The following EFCAB11 variants were observed in gnomAD, a reference collection of about 807,000 sequenced individuals.
EFCAB11 encodes the protein EF-hand calcium binding domain 11.
Under a neutral mutation model 23.0 loss-of-function variants are expected in EFCAB11, and 14 were observed. The observed-to-expected ratio is 0.61, with a 90% CI of 0.40 to 0.95. The LOEUF is 0.95. Among genes scored for constraint, EFCAB11 ranks in the 40% least tolerant of loss-of-function variants. The pLI is 0.00. For synonymous variants in EFCAB11, 65 were observed against 66.6 expected, an observed-to-expected ratio of 0.98 and a Z score of 0.11; for missense variants, 198 against 195.8, an observed-to-expected ratio of 1.01 and a Z score of -0.07.
At chr14:89,912,139 T>A (rs1889699972) in intron 5 of EFCAB11, among the ~76,000 whole-genome samples, 1 of 152,210 alleles carries the variant, frequency 6.6e-6, no homozygotes. Flanking sequence ...ATTTATTCAT[T>A]GTTGGTATGC....
intron 5 of EFCAB11, 44 bp downstream of exon 5, chr14:89,931,497 T>C (rs1890387687): frequency 1.3e-6 from 2 of 1,504,224 alleles, no homozygotes; most frequent in Non-Finnish European, 1.8e-6. Context: ...TAAAAGCAAA[T>C]GGTAAATCAA....
chr14:89,923,064 T>G (rs1890070630), intron 5 of EFCAB11, among the ~76,000 whole-genome samples: 1 of 152,186 alleles, frequency 6.6e-6, no homozygotes, highest in African/African-American at 2.4e-5. Context: ...CTTCATAAGT[T>G]AGCTTAAATG....
At chr14:89,828,344 CAAT>C (rs1199558763) in intron 5 of EFCAB11, among the ~76,000 whole-genome samples, 2 of 152,094 alleles carry the variant, frequency 1.3e-5, no homozygotes, top group Non-Finnish European at 2.9e-5. Flanking sequence ...CTGATTAGAG[CAAT>C]AATATTTGTT....
chr14:89,826,168 A>C (rs1039038642), intron 5 of EFCAB11, among the ~76,000 whole-genome samples: 8 of 152,180 alleles, frequency 5.3e-5, no homozygotes, highest in Non-Finnish European at 7.3e-5. Context: ...TGACCCTGTT[A>C]TAATTATGAA....
At chr14:89,929,548 G>T (rs1425740274) in intron 5 of EFCAB11, among the ~76,000 whole-genome samples, 1 of 152,048 alleles carries the variant, frequency 6.6e-6, no homozygotes, top group African/African-American at 2.4e-5. Context: ...ACCATGCCCA[G>T]CTAATTTTTG....
rs144958103 is a variant in EFCAB11, at chr14:89,932,616, C to T, written c.229G>A (p.Glu77Lys). ...TTCCTGACAATATTTAAAAACCCCTCGAGTAATATACCTAAAAGTTGGGGA... is the reference window on the plus strand; with the variant it reads ...TTCCTGACAATATTTAAAAACCCCTTGAGTAATATACCTAAAAGTTGGGGA... ...INPNTSGILLEGFLNIVRKKK... is the reference protein window; with the variant it reads ...INPNTSGILLKGFLNIVRKKK... The change falls in exon 4 of 6, where the codon GAG becomes AAG. Residue 77 changes from glutamate (E) to lysine (K), a missense_variant. Physicochemically the swap from Glu to Lys is moderately conservative, Grantham distance 56. Transcript: ENST00000316738. The T allele has an allele frequency of 9.4e-5, 151 of 1,613,094 alleles. No individual in the cohort carries two copies. The African/African-American group carries it at 1.8e-3, about 19-fold the overall frequency.
intron 5 of EFCAB11, among the ~76,000 whole-genome samples, chr14:89,886,533 AAAAAAAAAAAAG>A (rs1453454055): frequency 2.8e-5 from 4 of 144,702 alleles, no homozygotes; most frequent in South Asian, 4.4e-4. Flanking sequence ...AAAAAAAAAA[AAAAAAAAAAAAG>A]GAAAGTGATC....
At chr14:89,909,588 A>T (rs923885931) in intron 5 of EFCAB11, among the ~76,000 whole-genome samples, 1 of 152,048 alleles carries the variant, frequency 6.6e-6, no homozygotes, top group Non-Finnish European at 1.5e-5. Context: ...CTCAAAAAAC[A>T]AAACAAAACA....
chr14:89,824,751 G>C (rs1886634550), intron 5 of EFCAB11, among the ~76,000 whole-genome samples: 1 of 152,026 alleles, frequency 6.6e-6, no homozygotes, highest in South Asian at 2.1e-4. Flanking sequence ...AAAAATACTG[G>C]TGGAGATAAT....
chr14:89,909,720 C>A (rs1889610140), intron 5 of EFCAB11, among the ~76,000 whole-genome samples: 1 of 152,220 alleles, frequency 6.6e-6, no homozygotes, highest in South Asian at 2.1e-4. Context: ...TCTCATCACT[C>A]TGCATTCATC....
chr14:89,830,853 A>G lies in EFCAB11; in HGVS notation c.411-33529T>C, dbSNP rs190771248. The G allele has an allele frequency of 1.1e-4, 17 of 152,376 alleles. No homozygotes were observed. In the East Asian group the frequency reaches 3.3e-3, roughly 29 times the overall value. The allele number at this position is 152,376 out of a possible 1,614,324, so 9.4% of individuals were successfully genotyped here. A position where few individuals can be genotyped will look rare whatever the true frequency, so the allele number is the denominator to read the frequency against. On this transcript the variant is annotated intron_variant, in intron 5 of 5. Coordinates refer to ENST00000316738, the MANE Select transcript of EFCAB11 (RefSeq NM_145231.4). ...TGGCTATGGTTGTAAACAAACCTTT[A>G]AAAATCATTTTAAAAGCAACATAGT...
At chr14:89,830,207 A>G (rs1197670292) in intron 5 of EFCAB11, 3 of 152,200 alleles carry the variant, frequency 2.0e-5, no homozygotes, top group Admixed American at 6.5e-5. Context: ...CCCATTTGTC[A>G]CATTAAAAAC....
intron 5 of EFCAB11, among the ~76,000 whole-genome samples, chr14:89,837,610 T>C (rs770317547): frequency 2.6e-5 from 4 of 152,206 alleles, no homozygotes; most frequent in Non-Finnish European, 5.9e-5. Context: ...CTGAATAACA[T>C]TGTTTTCTGC....
intron 4 of EFCAB11, among the ~76,000 whole-genome samples, 175 bp from the exon 5 acceptor site, chr14:89,931,806 A>T: frequency 6.6e-6 from 1 of 152,204 alleles, no homozygotes; most frequent in South Asian, 2.1e-4. Flanking sequence ...ATAATTTAAG[A>T]TTCTAATAAT....
At chr14:89,888,220 G>C (rs1425991566) in intron 5 of EFCAB11, among the ~76,000 whole-genome samples, 1 of 152,212 alleles carries the variant, frequency 6.6e-6, no homozygotes, top group Non-Finnish European at 1.5e-5. Context: ...GGTCATAAAG[G>C]CTGAACCCCC....
chr14:89,886,472 C>A (rs542972562), intron 5 of EFCAB11, among the ~76,000 whole-genome samples: 2 of 129,558 alleles, frequency 1.5e-5, no homozygotes, highest in East Asian at 4.5e-4. Context: ...GAGCTGAGAT[C>A]GCGCCACTGC....
chr14:89,933,265 G>C (rs1890460286), intron 3 of EFCAB11, among the ~76,000 whole-genome samples: 1 of 152,160 alleles, frequency 6.6e-6, no homozygotes, highest in Non-Finnish European at 1.5e-5. Flanking sequence ...TGGATACTGT[G>C]CTTACAATGT....
At chr14:89,867,635 T>C (rs151301036) in intron 5 of EFCAB11, among the ~76,000 whole-genome samples, 3 of 152,232 alleles carry the variant, frequency 2.0e-5, no homozygotes, top group Non-Finnish European at 2.9e-5. Flanking sequence ...TGACTTAATA[T>C]GCATTTAATA....
At chr14:89,904,371 A>C (rs985738488) in intron 5 of EFCAB11, among the ~76,000 whole-genome samples, 3 of 152,126 alleles carry the variant, frequency 2.0e-5, no homozygotes, top group Admixed American at 6.5e-5. Context: ...AATCTAGTCT[A>C]TCATTGATGG....
Sources: allele counts gnomAD v4.1 joint callset (sites outside exome capture counted in the v4.1 genomes callset), GRCh38; gene constraint gnomAD v4.1.1; transcripts MANE v1.5; gene names NCBI Gene and HGNC (gene_info 2026-07-23, HGNC 2026-07-21).